The following DGUOK variants were observed in gnomAD, a reference collection of about 807,000 sequenced individuals.
DGUOK encodes deoxyguanosine kinase, mitochondrial.
A neutral mutation model predicts 36.6 loss-of-function variants in DGUOK; 30 were observed. That is an observed-to-expected ratio of 0.82 (90% confidence interval 0.61 to 1.11). DGUOK has a LOEUF of 1.11. Among genes scored for constraint, DGUOK ranks in the 50% most tolerant of loss-of-function variants. The pLI is 0.00. For missense variants in DGUOK, 361 were observed against 336.4 expected, an observed-to-expected ratio of 1.07 and a Z score of -0.57; for synonymous variants, 145 against 126.3, an observed-to-expected ratio of 1.15 and a Z score of -0.99.
chr2:73,958,132 C>T lies in DGUOK; in HGVS notation c.708-14C>T, dbSNP rs1683263517. On this transcript the variant is annotated splice_polypyrimidine_tract_variant and intron_variant, in intron 5 of 6. Coordinates refer to ENST00000264093, the MANE Select transcript of DGUOK (RefSeq NM_080916.3). ...TCTTTTTTTCTGTCCCCCAAACGTT[C>T]ACGCTTCTTATAGGCTCCACTTTGA... The T allele has an allele frequency of 6.2e-7, 1 of 1,607,714 alleles. No homozygotes were observed. The highest frequency in any genetic ancestry group is 8.5e-7 in the Non-Finnish European group (1 of 1,174,466).
chr2:73,956,997 G>A, intron 4 of DGUOK, 128 bp from the exon 5 acceptor site: 1 of 693,202 alleles, frequency 1.4e-6, no homozygotes, highest in Non-Finnish European at 2.7e-6. Flanking sequence ...AAACAAGACA[G>A]CAGAAGCAAA....
chr2:73,954,131 C>A (rs1171734897), intron 4 of DGUOK, among the ~76,000 whole-genome samples: 2 of 152,038 alleles, frequency 1.3e-5, no homozygotes, highest in Admixed American at 6.5e-5. Flanking sequence ...TGCTTGAGCC[C>A]AGGAGTTTAA....
intron 1 of DGUOK, among the ~76,000 whole-genome samples, chr2:73,931,085 C>T (rs2689773): frequency 0.55 from 83,754 of 151,848 alleles, 24,686 homozygotes; most frequent in Non-Finnish European, 0.65. Flanking sequence ...CGTTAGCCAC[C>T]GTGCCTGGCC....
intron 4 of DGUOK, among the ~76,000 whole-genome samples, chr2:73,953,823 A>G (rs1481031661): frequency 6.8e-6 from 1 of 146,110 alleles, no homozygotes; most frequent in Non-Finnish European, 1.5e-5. Context: ...GGTTCACAGC[A>G]TTCTCCTGCC....
chr2:73,953,077 G>A (rs1030951221), intron 4 of DGUOK, among the ~76,000 whole-genome samples: 3 of 151,978 alleles, frequency 2.0e-5, no homozygotes, highest in Admixed American at 2.0e-4. Context: ...ATGGCAACTG[G>A]TCCAATCCCA....
In DGUOK at chr2:73,946,597, A is replaced by T; in HGVS notation, c.256-122A>T. 9 of 911,886 alleles carry T rather than the reference A, an allele frequency of 9.9e-6. No individual in the cohort carries two copies. In the South Asian group the frequency reaches 1.0e-4, roughly 10 times the overall value. The allele number at this position is 911,886 out of a possible 1,614,324, so 56.5% of individuals were successfully genotyped here. A position where few individuals can be genotyped will look rare whatever the true frequency, so the allele number is the denominator to read the frequency against. On this transcript the variant is annotated intron_variant, in intron 2 of 6. Coordinates refer to ENST00000264093, the MANE Select transcript of DGUOK (RefSeq NM_080916.3). ...CTTTTTGGTGGAAGGAAACTTTTGT[A>T]ATTTCTTCTTTCATTGATTATTAAA...
At chr2:73,943,158 T>G (rs1329684905) in intron 2 of DGUOK, among the ~76,000 whole-genome samples, 1 of 151,892 alleles carries the variant, frequency 6.6e-6, no homozygotes, top group East Asian at 1.9e-4. Context: ...TTTTGACTTT[T>G]GGGTTCTTTT....
At chr2:73,953,284 ATCATCATCGTCGTCG>A (rs1682830765) in intron 4 of DGUOK, among the ~76,000 whole-genome samples, 1 of 94,400 alleles carries the variant, frequency 1.1e-5, no homozygotes, top group Non-Finnish European at 2.4e-5. Context: ...GATGATCATC[ATCATCATCGTCGTCG>A]TCGTCGTCGT....
At chr2:73,943,299 A>G (rs1301718826) in intron 2 of DGUOK, among the ~76,000 whole-genome samples, 1 of 150,046 alleles carries the variant, frequency 6.7e-6, no homozygotes, top group African/African-American at 2.5e-5. Context: ...ATAGGTGCAT[A>G]CCACTGTCCC....
chr2:73,957,276 ACCTGGCT>A (rs1683182803), intron 5 of DGUOK, 36 bp downstream of exon 5: 1 of 1,534,304 alleles, frequency 6.5e-7, no homozygotes, highest in Admixed American at 1.7e-5. Context: ...AGAGACAGAG[ACCTGGCT>A]CCCAACAGCC....
intron 5 of DGUOK, 81 bp downstream of exon 5, chr2:73,957,321 GC>G: frequency 1.0e-6 from 1 of 997,220 alleles, no homozygotes; most frequent in Admixed American, 2.0e-5. Context: ...TCAGCATGCA[GC>G]CCCCTGTAGG....
At chr2:73,936,612 C>A (rs1009215889) in intron 1 of DGUOK, among the ~76,000 whole-genome samples, 1 of 152,200 alleles carries the variant, frequency 6.6e-6, no homozygotes, top group Non-Finnish European at 1.5e-5. Context: ...GGATGCCCCC[C>A]TTCTTTCCCT....
chr2:73,950,094 A>G (rs150451550), intron 3 of DGUOK, among the ~76,000 whole-genome samples: 3 of 152,366 alleles, frequency 2.0e-5, no homozygotes, highest in East Asian at 3.8e-4. Context: ...CAGCTAAACA[A>G]AAGGATGGCT....
At position 73,958,731 on chromosome 2, in the gene DGUOK, CTG is replaced by C. The variant is rs1484796649; in HGVS notation, c.831_832del (p.Ter278ThrfsTer9). 1.9e-5 allele frequency: 31 copies of C among 1,611,756 alleles called. No homozygotes were observed. The highest frequency in any genetic ancestry group is 2.6e-5 in the Non-Finnish European group (31 of 1,177,888). ...MREVNTFVKN[L>X] ...ACAGGTAAACACCTTTGTAAAGAAT[CTG>C]TAACCAATACCATGAAGTTCAGGCT... is the stretch of plus-strand genomic sequence containing the variant. On this transcript the variant is annotated frameshift_variant, in exon 7 of 7. Transcript: ENST00000264093. LOFTEE classifies it high-confidence loss of function.
intron 1 of DGUOK, among the ~76,000 whole-genome samples, chr2:73,935,015 G>A (rs1573516189): frequency 6.6e-6 from 1 of 152,260 alleles, no homozygotes; most frequent in South Asian, 2.1e-4. Flanking sequence ...AACAGAGGTT[G>A]CAGTGAGCCG....
chr2:73,958,595 A>C (rs750119144), intron 6 of DGUOK, 115 bp from the exon 7 acceptor site: 2 of 885,620 alleles, frequency 2.3e-6, no homozygotes, highest in Non-Finnish European at 3.8e-6. Flanking sequence ...CATGCCTATT[A>C]TTTTCCTTTC....
chr2:73,957,025 C>A, intron 4 of DGUOK, 100 bp from the exon 5 acceptor site: 1 of 796,938 alleles, frequency 1.3e-6, no homozygotes. Flanking sequence ...CTTGTAATGC[C>A]CAAGATAGAC....
intron 1 of DGUOK, chr2:73,932,773 T>C (rs1172867717): frequency 1.3e-5 from 8 of 607,336 alleles, no homozygotes; most frequent in South Asian, 2.0e-5. Flanking sequence ...GTAAGGAAAA[T>C]TGATCAGTGA....
At position 73,927,055 on chromosome 2, in the gene DGUOK, A is replaced by T; in HGVS notation, c.142+3A>T. Reference sequence around the variant, plus strand: ...GCTCTCCATCGAAGGCAACATTGGTAAGGGCCGGAAAGCGGCTGCCAAGCC... The same window carrying T: ...GCTCTCCATCGAAGGCAACATTGGTTAGGGCCGGAAAGCGGCTGCCAAGCC... On this transcript the variant is annotated splice_donor_region_variant and intron_variant, in intron 1 of 6. Coordinates refer to ENST00000264093, the MANE Select transcript of DGUOK (RefSeq NM_080916.3). 6.2e-7 allele frequency: 1 copy of T among 1,607,536 alleles called. No individual in the cohort carries two copies. The highest frequency in any genetic ancestry group is 8.5e-7 in the Non-Finnish European group (1 of 1,179,958).
Sources: gnomAD v4.1 joint callset for allele counts (sites outside exome capture counted in the v4.1 genomes callset) on GRCh38, gnomAD v4.1.1 for gene constraint, MANE v1.5 for transcripts, NCBI Gene and HGNC (gene_info 2026-07-23, HGNC 2026-07-21) for gene names.